Variants in RBFOX3 observed in about 807,000 individuals in gnomAD.
RBFOX3 encodes RNA binding protein fox-1 homolog 3.
Under a neutral mutation model 48.7 loss-of-function variants are expected in RBFOX3, and 17 were observed. The observed-to-expected ratio is 0.35, with a 90% CI of 0.24 to 0.52. RBFOX3 has a LOEUF of 0.52. RBFOX3 is among the 20% of genes least tolerant of loss of function. The pLI is 0.94. For missense variants in RBFOX3, 382 were observed against 497.5 expected, an observed-to-expected ratio of 0.77 and a Z score of 2.21; for synonymous variants, 212 against 209.5, an observed-to-expected ratio of 1.01 and a Z score of -0.10.
intron 2 of RBFOX3, among the ~76,000 whole-genome samples, chr17:79,321,422 C>T (rs2078505543): frequency 6.6e-6 from 1 of 152,208 alleles, no homozygotes; most frequent in African/African-American, 2.4e-5. Context: ...GGTCCGGCCC[C>T]AACACGCCCA....
chr17:79,358,059 G>C (rs2147195226), intron 2 of RBFOX3, among the ~76,000 whole-genome samples: 1 of 152,076 alleles, frequency 6.6e-6, no homozygotes, highest in Non-Finnish European at 1.5e-5. Context: ...CAACCCTCCT[G>C]TCTCAGCCTC....
chr17:79,115,499 C>A lies in RBFOX3; in HGVS notation c.217G>T (p.Val73Leu). ...GGGGTCGTGGGGGCCCTTACCGGCA[C>A]TGTCTGGGTCCCGGCGATGGGCTGT... ...STQPIAGTQT[V>L]PQTDEAAQTD... The change falls in exon 5 of 15, where the codon GTG (valine) becomes TTG (leucine). Residue 73 changes from valine to leucine, a missense_variant. Transcript: ENST00000693108. The A allele has an allele frequency of 7.5e-7, 1 of 1,328,698 alleles. No homozygotes were observed. 82.3% of individuals were successfully genotyped at this position (1,328,698 alleles called of 1,614,324 possible).
chr17:79,511,750 C>T (rs1455981761), intron 1 of RBFOX3, among the ~76,000 whole-genome samples: 2 of 150,574 alleles, frequency 1.3e-5, no homozygotes, highest in Non-Finnish European at 3.0e-5. Flanking sequence ...GGGTACAGCC[C>T]CATGGCCAGG....
intron 6 of RBFOX3, 93 bp from the exon 7 acceptor site, chr17:79,104,219 C>T: frequency 9.0e-7 from 1 of 1,116,588 alleles, no homozygotes; most frequent in Non-Finnish European, 1.3e-6. Context: ...CTGAGACGCT[C>T]ATGCCTGTGC....
chr17:79,525,498 C>T (rs1183214472), intron 1 of RBFOX3, among the ~76,000 whole-genome samples: 4 of 152,172 alleles, frequency 2.6e-5, no homozygotes, highest in Admixed American at 2.6e-4. Context: ...CCCAGTCTTC[C>T]CGGAGGGGCC....
chr17:79,585,482 G>A (rs1599223674), intron 1 of RBFOX3, among the ~76,000 whole-genome samples: 1 of 152,166 alleles, frequency 6.6e-6, no homozygotes, highest in Non-Finnish European at 1.5e-5. Context: ...GCTTGAACCC[G>A]GGAGGCAGAA....
chr17:79,302,527 A>G (rs993742605), intron 3 of RBFOX3, among the ~76,000 whole-genome samples: 2 of 152,128 alleles, frequency 1.3e-5, no homozygotes, highest in Non-Finnish European at 2.9e-5. Flanking sequence ...TAAAAATACA[A>G]AAAATTAGCT....
chr17:79,405,715 T>C (rs1320283503), intron 2 of RBFOX3, among the ~76,000 whole-genome samples: 1 of 152,192 alleles, frequency 6.6e-6, no homozygotes, highest in Non-Finnish European at 1.5e-5. Context: ...AGTGAGACTC[T>C]ATCTCAAAAA....
chr17:79,196,006 A>G (rs373633940), intron 4 of RBFOX3, among the ~76,000 whole-genome samples: 1 of 152,188 alleles, frequency 6.6e-6, no homozygotes, highest in East Asian at 1.9e-4. Context: ...GAGCACCCTC[A>G]GCCTCATGCT....
chr17:79,136,873 G>T (rs1309719638), intron 4 of RBFOX3, among the ~76,000 whole-genome samples: 1 of 152,124 alleles, frequency 6.6e-6, no homozygotes, highest in Non-Finnish European at 1.5e-5. Flanking sequence ...CACCTGGCAG[G>T]GGCCACCCCT....
At chr17:79,248,756 G>T (rs888974547) in intron 3 of RBFOX3, among the ~76,000 whole-genome samples, 3 of 152,198 alleles carry the variant, frequency 2.0e-5, no homozygotes, top group African/African-American at 7.2e-5. Context: ...TGAGGCAATG[G>T]GGGTCCCCGT....
At chr17:79,661,725 G>C in the RBFOX3 span, among the ~76,000 whole-genome samples, 7 of 152,178 alleles carry the variant, frequency 4.6e-5, no homozygotes, top group Non-Finnish European at 1.0e-4. Flanking sequence ...CAGCAATATA[G>C]GGATGCCCCA....
intron 1 of RBFOX3, among the ~76,000 whole-genome samples, chr17:79,496,601 C>A (rs947351133): frequency 6.6e-6 from 1 of 152,160 alleles, no homozygotes. Flanking sequence ...GGCTTCCCAG[C>A]GGTCCCTGGC....
In RBFOX3 at chr17:79,249,536, C is replaced by A. The variant is rs2063636426; in HGVS notation, c.-73-13731G>T. On this transcript the variant is annotated intron_variant, in intron 3 of 14. Coordinates refer to ENST00000693108, the MANE Select transcript of RBFOX3 (RefSeq NM_001350451.2). The surrounding 1 kb of genome is among the most constrained non-coding windows in gnomAD (Gnocchi z 4.1). The stretch of plus-strand genomic sequence containing the variant: ...GGCCAACCAGATCCCACACCCCAAG[C>A]CCCTGCCTCTATCGGGGTCCCATGC... Among the ~76,000 whole-genome samples, 1 of 152,100 alleles carries A rather than the reference C, an allele frequency of 6.6e-6. No individual in the cohort carries two copies. Among genetic ancestry groups the A allele is most frequent in the African/African-American group, 2.4e-5 (1 of 41,406 alleles).
intron 3 of RBFOX3, among the ~76,000 whole-genome samples, chr17:79,302,251 A>C (rs1317164838): frequency 6.6e-6 from 1 of 152,168 alleles, no homozygotes; most frequent in African/African-American, 2.4e-5. Context: ...GCCCTTCAAG[A>C]AGCATATTAT....
chr17:79,343,106 C>A (rs2082354551), intron 2 of RBFOX3, among the ~76,000 whole-genome samples: 1 of 152,178 alleles, frequency 6.6e-6, no homozygotes, highest in Admixed American at 6.5e-5. Flanking sequence ...AACAATCCAG[C>A]CAGCTGCTGG....
intron 4 of RBFOX3, among the ~76,000 whole-genome samples, chr17:79,193,239 TAC>T (rs1347752726): frequency 6.6e-6 from 1 of 152,130 alleles, no homozygotes; most frequent in Non-Finnish European, 1.5e-5. Context: ...GTGGGGAGAT[TAC>T]GCTCGGAAGC....
At chr17:79,604,259 A>C (rs1329316831) in intron 1 of RBFOX3, among the ~76,000 whole-genome samples, 1 of 152,224 alleles carries the variant, frequency 6.6e-6, no homozygotes, top group Non-Finnish European at 1.5e-5. Context: ...GTCAACACCA[A>C]GTCATTAGGC....
In RBFOX3 at chr17:79,580,700, G is replaced by T. The variant is rs893807240; in HGVS notation, c.-320+30126C>A. Among the ~76,000 whole-genome samples, 26 of 152,242 alleles carry T rather than the reference G, an allele frequency of 1.7e-4. No homozygotes were observed. In the East Asian group the frequency reaches 4.8e-3, roughly 28 times the overall value. On this transcript the variant is annotated intron_variant, in intron 1 of 14. Transcript: ENST00000693108. The stretch of plus-strand genomic sequence containing the variant: ...GTCCGTCTTGCTCCTCATACAAGGG[G>T]CCAGGCTGATAAAGCAACCTCTTTC...
Sources: gnomAD v4.1 joint callset for allele counts (sites outside exome capture counted in the v4.1 genomes callset) on GRCh38, gnomAD v4.1.1 for gene constraint, Gnocchi (gnomAD v3.1) non-coding constraint, MANE v1.5 for transcripts, NCBI Gene and HGNC (gene_info 2026-07-23, HGNC 2026-07-21) for gene names.